Variants in CPED1 observed in about 807,000 individuals in gnomAD.
The protein encoded by CPED1 is cadherin like and PC-esterase domain containing 1, also known as cadherin-like and PC-esterase domain-containing protein 1.
Under a neutral mutation model 128.2 loss-of-function variants are expected in CPED1, and 114 were observed. The ratio of observed to expected loss-of-function variants is 0.89; its 90% CI spans 0.76 to 1.04. CPED1 has a LOEUF of 1.04. Ranked by LOEUF, CPED1 falls within the 50% of genes least tolerant of loss-of-function variation. CPED1 has a pLI of 0.00. For missense variants in CPED1, 1,211 were observed against 1,207.1 expected (o/e 1.00, Z -0.05); for synonymous variants, 462 against 426.7 (o/e 1.08, Z -1.02).
chr7:121,058,349 C>T (rs1009004168), intron 4 of CPED1, among the ~76,000 whole-genome samples: 5 of 152,060 alleles, frequency 3.3e-5, no homozygotes, highest in African/African-American at 9.7e-5. Flanking sequence ...GACTAATTAT[C>T]GTAATAATGT....
intron 5 of CPED1, among the ~76,000 whole-genome samples, chr7:121,084,904 A>G (rs1794383472): frequency 6.6e-6 from 1 of 152,210 alleles, no homozygotes; most frequent in African/African-American, 2.4e-5. Flanking sequence ...GTGCATTCCA[A>G]AGAAATACCA....
intron 8 of CPED1, among the ~76,000 whole-genome samples, 170 bp downstream of exon 8, chr7:121,124,643 TC>T (rs1200243319): frequency 6.6e-6 from 1 of 152,146 alleles, no homozygotes; most frequent in Non-Finnish European, 1.5e-5. Context: ...TATTTATAGA[TC>T]CTAAAACTTT....
At chr7:121,092,117 C>T (rs1019877130) in intron 5 of CPED1, among the ~76,000 whole-genome samples, 7 of 152,140 alleles carry the variant, frequency 4.6e-5, no homozygotes, top group African/African-American at 1.7e-4. Context: ...GATATTAGGC[C>T]TCTTGGTCTT....
chr7:121,244,265 C>A lies in CPED1; in HGVS notation c.2237C>A (p.Thr746Asn). 2 of 1,614,068 alleles carry A rather than the reference C, an allele frequency of 1.2e-6. No individual in the cohort carries two copies. The highest frequency in any genetic ancestry group is 1.7e-6 in the Non-Finnish European group (2 of 1,179,954). The stretch of plus-strand genomic sequence containing the variant: ...AGGACGTGTGACTGGAGAGAAATAA[C>A]CTGGCAGCCCCACAACTGCCAATAT... Reference protein sequence around the residue: ...DNRTCDWREITWQPHNCQYGV... With the variant: ...DNRTCDWREINWQPHNCQYGV... Residue 746 changes from threonine (T) to asparagine (N), a missense_variant, in exon 18 of 23, where the codon ACC becomes AAC. Physicochemically the swap from Thr to Asn is moderately conservative, Grantham distance 65 (BLOSUM62 0). Coordinates refer to ENST00000310396, the MANE Select transcript of CPED1 (RefSeq NM_024913.5).
At chr7:121,149,879 C>A (rs1180602546) in intron 16 of CPED1, among the ~76,000 whole-genome samples, 1 of 152,048 alleles carries the variant, frequency 6.6e-6, no homozygotes, top group Admixed American at 6.6e-5. Flanking sequence ...AATGCCAGTC[C>A]CTGATGCCCA....
intron 17 of CPED1, among the ~76,000 whole-genome samples, chr7:121,239,779 A>T (rs1798344351): frequency 1.3e-5 from 2 of 152,172 alleles, no homozygotes; most frequent in Non-Finnish European, 2.9e-5. Flanking sequence ...AATGGCTGAA[A>T]TCTAACTTGC....
intron 5 of CPED1, among the ~76,000 whole-genome samples, chr7:121,088,763 C>CAAAAAATAAAAAAAAAA (rs1794503070): frequency 1.9e-5 from 1 of 53,794 alleles, no homozygotes; most frequent in African/African-American, 6.3e-5. Flanking sequence ...CAAAAATTGG[C>CAAAAAATAAAAAAAAAA]AAAAAAAAAA....
At chr7:121,096,826 C>G (rs1794710546) in intron 5 of CPED1, among the ~76,000 whole-genome samples, 1 of 151,600 alleles carries the variant, frequency 6.6e-6, no homozygotes, top group Admixed American at 6.6e-5. Context: ...ATAAATAAGC[C>G]AGACATATAT....
chr7:121,000,616 A>G (rs1377870139), intron 2 of CPED1, among the ~76,000 whole-genome samples: 1 of 152,054 alleles, frequency 6.6e-6, no homozygotes, highest in South Asian at 2.1e-4. Flanking sequence ...CTCAGTAGGA[A>G]CCCCTACCGT....
chr7:121,014,137 G>C (rs1476007409), intron 2 of CPED1, among the ~76,000 whole-genome samples: 1 of 152,220 alleles, frequency 6.6e-6, no homozygotes, highest in African/African-American at 2.4e-5. Context: ...TAGGTGGAAG[G>C]AATAGTGATG....
chr7:121,243,632 A>T (rs932117104), intron 17 of CPED1, among the ~76,000 whole-genome samples: 4 of 152,220 alleles, frequency 2.6e-5, no homozygotes, highest in Non-Finnish European at 5.9e-5. Context: ...AGATGAAGAA[A>T]TTCAGGCAAC....
At chr7:121,200,535 C>T (rs1330061954) in intron 16 of CPED1, among the ~76,000 whole-genome samples, 1 of 151,976 alleles carries the variant, frequency 6.6e-6, no homozygotes, top group Admixed American at 6.6e-5. Context: ...GTTCTGGGAG[C>T]CTTTTTGGGA....
At chr7:121,181,544 AT>A (rs1227416602) in intron 16 of CPED1, among the ~76,000 whole-genome samples, 1 of 152,138 alleles carries the variant, frequency 6.6e-6, no homozygotes, top group African/African-American at 2.4e-5. Flanking sequence ...TGTTTAAAAA[AT>A]TTATATGTCA....
intron 22 of CPED1, among the ~76,000 whole-genome samples, chr7:121,277,383 A>C (rs576513653): frequency 1.3e-5 from 2 of 152,266 alleles, no homozygotes; most frequent in South Asian, 4.1e-4. Flanking sequence ...GGTAGGGATG[A>C]GAGATGGCAC....
At chr7:121,226,098 T>G (rs1798003633) in intron 16 of CPED1, among the ~76,000 whole-genome samples, 1 of 152,166 alleles carries the variant, frequency 6.6e-6, no homozygotes, top group Non-Finnish European at 1.5e-5. Context: ...TGCTCTGGGT[T>G]TTCCCCATCG....
rs574675777 is a variant in CPED1 at position 121,139,394 on chromosome 7, G to T, written c.1700-1433G>T. On this transcript the variant is annotated intron_variant, in intron 14 of 22. Transcript: ENST00000310396. ...AGAGTATAGGTCAGAAATATATAGGGTTTTTTTTTTCATTTTAATTGTATT... is the reference window on the plus strand; with the variant it reads ...AGAGTATAGGTCAGAAATATATAGGTTTTTTTTTTTCATTTTAATTGTATT... Among the ~76,000 whole-genome samples, 503 of 147,470 alleles carry T rather than the reference G, an allele frequency of 3.4e-3. 2 individuals are homozygous for T. The highest frequency in any genetic ancestry group is 0.024 in the Middle Eastern group (7 of 288).
chr7:121,205,125 A>G (rs920652278), intron 16 of CPED1, among the ~76,000 whole-genome samples: 2 of 152,164 alleles, frequency 1.3e-5, no homozygotes, highest in African/African-American at 4.8e-5. Context: ...GTTGATAGGT[A>G]TAGTAATTAT....
intron 17 of CPED1, among the ~76,000 whole-genome samples, chr7:121,238,299 T>G (rs139247948): frequency 2.6e-3 from 390 of 152,264 alleles, no homozygotes; most frequent in Non-Finnish European, 4.7e-3. Flanking sequence ...CCTGAAAATT[T>G]GAAGCCTCCA....
At position 121,079,888 on chromosome 7, in the gene CPED1, G is replaced by A. The variant is rs75716825; in HGVS notation, c.616+15575G>A. 4.1e-4 allele frequency among the ~76,000 whole-genome samples: 62 copies of A among 152,330 alleles called. No individual in the cohort carries two copies. In the East Asian group the frequency reaches 0.01, roughly 25 times the overall value. On this transcript the variant is annotated intron_variant, in intron 5 of 22. Transcript: ENST00000310396. Reference sequence around the variant, plus strand: ...TTGTGCCAAATGCCACTAGAAATTAGAGGCAACATTGGGTAACACGCTGAT... The same window carrying A: ...TTGTGCCAAATGCCACTAGAAATTAAAGGCAACATTGGGTAACACGCTGAT...
Sources: allele counts gnomAD v4.1 joint callset (sites outside exome capture counted in the v4.1 genomes callset), GRCh38; gene constraint gnomAD v4.1.1; transcripts MANE v1.5; gene names NCBI Gene and HGNC (gene_info 2026-07-23, HGNC 2026-07-21).